Variants in NRXN1 observed in about 807,000 individuals in gnomAD.
NRXN1 encodes the protein neurexin 1, also known as neurexin-1.
In NRXN1, 39 loss-of-function variants were observed where a neutral mutation model predicts 150.9. The ratio of observed to expected loss-of-function variants is 0.26; its 90% CI spans 0.20 to 0.34. The LOEUF is 0.34. Among genes scored for constraint, NRXN1 ranks in the 10% least tolerant of loss-of-function variants. The probability of loss-of-function intolerance (pLI) is 1.00; values close to 1 mark genes in which losing one functional copy is unlikely to be tolerated. For missense variants in NRXN1, 1,815 were observed against 1,949.9 expected (o/e 0.93, Z 1.30); for synonymous variants, 924 against 757.0 (o/e 1.22, Z -3.62).
chr2:50,931,285 T>C (rs947444948), intron 2 of NRXN1, among the ~76,000 whole-genome samples: 1 of 152,116 alleles, frequency 6.6e-6, no homozygotes, highest in Admixed American at 6.6e-5. Context: ...ACTCTTAACT[T>C]TATTATTCTA....
intron 5 of NRXN1, among the ~76,000 whole-genome samples, chr2:50,751,633 G>A (rs1434296620): frequency 6.6e-6 from 1 of 151,956 alleles, no homozygotes; most frequent in Non-Finnish European, 1.5e-5. Context: ...CCTGGGGCGT[G>A]CAAGACTGTG....
intron 5 of NRXN1, among the ~76,000 whole-genome samples, chr2:50,851,785 C>T (rs151254826): frequency 7.9e-5 from 12 of 152,240 alleles, no homozygotes; most frequent in African/African-American, 2.9e-4. Context: ...AGGTTCTCAT[C>T]GGCTTTTCTG....
chr2:50,373,954 T>A (rs577379195), intron 17 of NRXN1, among the ~76,000 whole-genome samples: 1 of 152,152 alleles, frequency 6.6e-6, no homozygotes, highest in African/African-American at 2.4e-5. Context: ...ATGATGCAGT[T>A]GGAAGGTAGA....
chr2:50,390,489 T>C (rs1405319368), intron 17 of NRXN1, among the ~76,000 whole-genome samples: 1 of 152,178 alleles, frequency 6.6e-6, no homozygotes, highest in African/African-American at 2.4e-5. Context: ...AAAATATCAA[T>C]GCTGTGTAAC....
chr2:50,538,236 G>C lies in NRXN1; in HGVS notation c.2143+17C>G. 1 of 1,599,116 alleles carries C rather than the reference G, an allele frequency of 6.3e-7. No homozygotes were observed. The highest frequency in any genetic ancestry group is 8.5e-7 in the Non-Finnish European group (1 of 1,170,520). Reference sequence around the variant, plus strand: ...TTTCATCTCAGGGAGTTGGCTGCTGGGGTTTTAGAATCCTACCTCTCTCAC... The same window carrying C: ...TTTCATCTCAGGGAGTTGGCTGCTGCGGTTTTAGAATCCTACCTCTCTCAC... On this transcript the variant is annotated intron_variant, in intron 10 of 22. Transcript: ENST00000401669.
At chr2:50,050,526 A>G (rs1692550554) in intron 21 of NRXN1, among the ~76,000 whole-genome samples, 1 of 152,046 alleles carries the variant, frequency 6.6e-6, no homozygotes, top group Non-Finnish European at 1.5e-5. Flanking sequence ...CTGATACACA[A>G]TTTAGTAAGA....
At chr2:50,637,834 C>T (rs1683457902) in intron 5 of NRXN1, among the ~76,000 whole-genome samples, 1 of 151,658 alleles carries the variant, frequency 6.6e-6, no homozygotes, top group Non-Finnish European at 1.5e-5. Flanking sequence ...CATTCATTAA[C>T]ACCTGGTATG....
chr2:50,776,065 T>C (rs906071978), intron 5 of NRXN1, among the ~76,000 whole-genome samples: 4 of 152,150 alleles, frequency 2.6e-5, no homozygotes, highest in Non-Finnish European at 5.9e-5. Context: ...AATCATTCTA[T>C]GAACAAATCG....
chr2:50,218,048 T>C (rs2063526313), intron 18 of NRXN1, among the ~76,000 whole-genome samples: 1 of 152,076 alleles, frequency 6.6e-6, no homozygotes, highest in Admixed American at 6.6e-5. Flanking sequence ...AACTACCTCC[T>C]CTGCAAAGGT....
chr2:50,546,253 G>C (rs1018268693), intron 9 of NRXN1, among the ~76,000 whole-genome samples: 1 of 152,160 alleles, frequency 6.6e-6, no homozygotes, highest in Non-Finnish European at 1.5e-5. Flanking sequence ...CCTTATCTCA[G>C]TTAAATGACC....
chr2:50,558,425 A>C (rs1183433905), intron 8 of NRXN1, among the ~76,000 whole-genome samples: 1 of 152,202 alleles, frequency 6.6e-6, no homozygotes, highest in Non-Finnish European at 1.5e-5. Flanking sequence ...AGGCAAAATG[A>C]TAACCTTTCA....
chr2:50,809,300 T>C lies in NRXN1; in HGVS notation c.832+112569A>G, dbSNP rs1308788532. On this transcript the variant is annotated intron_variant, in intron 5 of 22. Transcript: ENST00000401669. ...GATACTTCCTGATGTCTACCGAAGG[T>C]CCCTTGAAGCCATAAGCCCAAACAT... Among the ~76,000 whole-genome samples the C allele has an allele frequency of 3.9e-5, 6 of 152,058 alleles. No homozygotes were observed. In the East Asian group the frequency reaches 1.2e-3, roughly 29 times the overall value.
intron 5 of NRXN1, among the ~76,000 whole-genome samples, chr2:50,756,493 G>C (rs998227329): frequency 6.6e-6 from 1 of 151,806 alleles, no homozygotes; most frequent in South Asian, 2.1e-4. Context: ...TGCTTATCAA[G>C]AACTTGCAAA....
At chr2:50,519,732 A>G (rs1201275691) in intron 12 of NRXN1, among the ~76,000 whole-genome samples, 1 of 151,850 alleles carries the variant, frequency 6.6e-6, no homozygotes, top group Non-Finnish European at 1.5e-5. Flanking sequence ...GTGGCTATTC[A>G]AATCTGGTTT....
At chr2:50,408,837 ATCTCTCTCTCTCTCTCTCTC>A (rs10522429) in intron 17 of NRXN1, among the ~76,000 whole-genome samples, 9 of 136,652 alleles carry the variant, frequency 6.6e-5, no homozygotes, top group East Asian at 2.2e-4. Context: ...ATCAATCTCA[ATCTCTCTCTCTCTCTCTCTC>A]TCTCTCTCTC....
chr2:50,517,479 A>C (rs1185549651), intron 12 of NRXN1, among the ~76,000 whole-genome samples: 1 of 152,160 alleles, frequency 6.6e-6, no homozygotes, highest in Non-Finnish European at 1.5e-5. Context: ...GATGAAAAGT[A>C]ACTCCATCTT....
chr2:50,830,359 C>T (rs66918516), intron 5 of NRXN1, among the ~76,000 whole-genome samples: 12,980 of 151,946 alleles, frequency 0.085, 656 homozygotes, highest in Admixed American at 0.088. Context: ...AATAAAAACA[C>T]TCATCCACAT....
At chr2:50,327,974 ATTTTTCTTC>A (rs1323244738) in intron 17 of NRXN1, among the ~76,000 whole-genome samples, 1 of 151,486 alleles carries the variant, frequency 6.6e-6, no homozygotes, top group Non-Finnish European at 1.5e-5. Context: ...ATGGCCACTT[ATTTTTCTTC>A]TTTTTCTTAT....
chr2:50,272,219 T>C (rs1183423422), intron 17 of NRXN1, among the ~76,000 whole-genome samples: 1 of 152,170 alleles, frequency 6.6e-6, no homozygotes, highest in Non-Finnish European at 1.5e-5. Context: ...ACTCTCCATT[T>C]TGGTCAACCA....
Sources: gnomAD v4.1 joint callset for allele counts (sites outside exome capture counted in the v4.1 genomes callset) on GRCh38, gnomAD v4.1.1 for gene constraint, MANE v1.5 for transcripts, NCBI Gene and HGNC (gene_info 2026-07-23, HGNC 2026-07-21) for gene names.